TSPEAR: variants seen among roughly 807,000 people sequenced by gnomAD.
TSPEAR encodes the protein thrombospondin-type laminin G domain and EAR repeat-containing protein.
In TSPEAR, 69 loss-of-function variants were observed where a neutral mutation model predicts 71.6. The observed-to-expected ratio is 0.96, with a 90% CI of 0.79 to 1.18. The LOEUF (loss-of-function observed/expected upper bound fraction) is 1.18, where lower values mean the gene tolerates loss of function less well. Ranked by LOEUF, TSPEAR falls within the 50% of genes most tolerant of loss-of-function variation. TSPEAR has a pLI of 0.00. For synonymous variants in TSPEAR, 402 were observed against 387.2 expected (o/e 1.04, Z -0.45); for missense variants, 971 against 894.9 (o/e 1.09, Z -1.09).
intron 1 of TSPEAR, among the ~76,000 whole-genome samples, chr21:44,649,392 G>A (rs1206569916): frequency 2.0e-5 from 3 of 152,166 alleles, no homozygotes; most frequent in Non-Finnish European, 4.4e-5. Flanking sequence ...CTAGATATGG[G>A]CCTCTCAGCA....
At chr21:44,617,310 G>A (rs1194030768) in intron 1 of TSPEAR, among the ~76,000 whole-genome samples, 1 of 152,262 alleles carries the variant, frequency 6.6e-6, no homozygotes, top group Non-Finnish European at 1.5e-5. Context: ...TCCTGTGCAC[G>A]CTCACAGATG....
intron 1 of TSPEAR, among the ~76,000 whole-genome samples, chr21:44,569,309 G>A (rs1300286536): frequency 2.6e-5 from 4 of 152,118 alleles, no homozygotes; most frequent in Admixed American, 1.3e-4. Context: ...CGGATGTGAT[G>A]CAGCCGTGCA....
intron 1 of TSPEAR, among the ~76,000 whole-genome samples, chr21:44,693,876 T>A (rs987353432): frequency 2.6e-5 from 4 of 152,248 alleles, no homozygotes; most frequent in Non-Finnish European, 5.9e-5. Context: ...TAGATCCTTG[T>A]ATGTCAACAT....
At chr21:44,676,181 T>A (rs1555946858) in intron 1 of TSPEAR, 2 of 1,223,232 alleles carry the variant, frequency 1.6e-6, no homozygotes, top group South Asian at 1.2e-5. Context: ...TGGTACAAGC[T>A]ATTTCTGGTT....
intron 1 of TSPEAR, chr21:44,580,218 A>G: frequency 6.2e-7 from 1 of 1,614,130 alleles, no homozygotes; most frequent in South Asian, 1.1e-5. Context: ...GAAGAGGCAC[A>G]GCAAGTTGGC....
chr21:44,576,778 A>G (rs1323940211), intron 1 of TSPEAR, among the ~76,000 whole-genome samples: 1 of 152,224 alleles, frequency 6.6e-6, no homozygotes, highest in African/African-American at 2.4e-5. Flanking sequence ...AGAAACCACT[A>G]AAAACCAAGC....
Position 44,520,755 on chromosome 21 carries a change from GTATGTATGGAATGT to G in TSPEAR, c.1566+1114_1566+1127del, listed in dbSNP as rs1373169090. 1 of 152,208 alleles carries G rather than the reference GTATGTATGGAATGT, an allele frequency of 6.6e-6. No homozygotes were observed. The highest frequency in any genetic ancestry group is 2.1e-4 in the South Asian group (1 of 4,836). The allele number at this position is 152,208 out of a possible 1,614,324, so 9.4% of individuals were successfully genotyped here. ...ACCTGCAGGCTTGCTCTAATGAGAT[GTATGTATGGAATGT>G]TATGTATGGAATGTTCCAGAATGCC... On this transcript the variant is annotated intron_variant, in intron 9 of 11. Transcript: ENST00000323084. This position sits in a 1 kb window ranked among gnomAD's most constrained non-coding sequence, Gnocchi z 4.2.
At chr21:44,592,570 C>A (rs1980057813) in intron 1 of TSPEAR, 1 of 1,529,334 alleles carries the variant, frequency 6.5e-7, no homozygotes, top group Non-Finnish European at 8.8e-7. Flanking sequence ...GCCTTGTTGT[C>A]CCCGGGCCCA....
At chr21:44,582,339 A>ATGGC (rs1979038851) in intron 1 of TSPEAR, among the ~76,000 whole-genome samples, 1 of 152,172 alleles carries the variant, frequency 6.6e-6, no homozygotes, top group African/African-American at 2.4e-5. Context: ...ACGGCCATAC[A>ATGGC]TGGCTCCGTT....
intron 1 of TSPEAR, among the ~76,000 whole-genome samples, chr21:44,699,022 G>T (rs1177545888): frequency 2.0e-5 from 3 of 152,080 alleles, no homozygotes; most frequent in African/African-American, 7.2e-5. Context: ...CCAACATAGT[G>T]AGACCTTGTC....
intron 9 of TSPEAR, among the ~76,000 whole-genome samples, chr21:44,514,137 G>A (rs1302346294): frequency 6.6e-6 from 1 of 152,196 alleles, no homozygotes; most frequent in African/African-American, 2.4e-5. Context: ...CCCAGGCTCT[G>A]CCCAGCCCCT....
At chr21:44,517,875 C>T (rs1555913696) in intron 9 of TSPEAR, 2 of 471,054 alleles carry the variant, frequency 4.2e-6, no homozygotes, top group African/African-American at 2.0e-5. Context: ...GGCTCAGCGC[C>T]CTTTCAGTCT....
At chr21:44,558,146 G>T in intron 2 of TSPEAR, 1 of 1,613,052 alleles carries the variant, frequency 6.2e-7, no homozygotes. Context: ...AGGAGGCCGG[G>T]CGGCAGCAGC....
At chr21:44,657,742 T>C (rs1473957031) in intron 1 of TSPEAR, among the ~76,000 whole-genome samples, 7 of 151,960 alleles carry the variant, frequency 4.6e-5, no homozygotes, top group African/African-American at 1.2e-4. Flanking sequence ...AACCAGAACA[T>C]CCTGTTTACA....
intron 1 of TSPEAR, among the ~76,000 whole-genome samples, chr21:44,706,870 C>A (rs1987952232): frequency 6.6e-6 from 1 of 152,224 alleles, no homozygotes; most frequent in Non-Finnish European, 1.5e-5. Flanking sequence ...AGACCCCACC[C>A]AGGGCCAAAG....
intron 1 of TSPEAR, among the ~76,000 whole-genome samples, chr21:44,691,810 T>C (rs1016929250): frequency 1.3e-5 from 2 of 152,096 alleles, no homozygotes; most frequent in Non-Finnish European, 2.9e-5. Context: ...AAAAACCTCC[T>C]CAAGTTGTGA....
At chr21:44,500,487 A>G (rs2052010117) in intron 11 of TSPEAR, among the ~76,000 whole-genome samples, 1 of 152,268 alleles carries the variant, frequency 6.6e-6, no homozygotes, top group South Asian at 2.1e-4. Flanking sequence ...TGGAGTCCCC[A>G]AGGCAGGGCG....
chr21:44,689,751 G>C (rs1450842013), intron 1 of TSPEAR, among the ~76,000 whole-genome samples: 4 of 64,460 alleles, frequency 6.2e-5, no homozygotes, highest in Non-Finnish European at 1.2e-4. Context: ...TTTGGGGGGG[G>C]TTACTAAGTA....
At chr21:44,571,743 C>T (rs1281924946) in intron 1 of TSPEAR, among the ~76,000 whole-genome samples, 4 of 152,244 alleles carry the variant, frequency 2.6e-5, no homozygotes, top group Non-Finnish European at 4.4e-5. Context: ...CCACAAAATA[C>T]ATAGTGATCA....
Sources: allele counts gnomAD v4.1 joint callset (sites outside exome capture counted in the v4.1 genomes callset), GRCh38; gene constraint gnomAD v4.1.1; non-coding constraint Gnocchi (gnomAD v3.1); transcripts MANE v1.5; gene names NCBI Gene and HGNC (gene_info 2026-07-23, HGNC 2026-07-21).